Variants in RPH3A observed in about 807,000 individuals in gnomAD.
RPH3A encodes the protein rabphilin 3A.
Under a neutral mutation model 102.2 loss-of-function variants are expected in RPH3A, and 48 were observed. The observed-to-expected ratio is 0.47, with a 90% confidence interval of 0.37 to 0.60. RPH3A has a LOEUF of 0.60. RPH3A is among the 20% of genes least tolerant of loss of function. RPH3A has a pLI of 0.00. For synonymous variants in RPH3A, 310 were observed against 324.3 expected (o/e 0.96, Z 0.47); for missense variants, 781 against 910.1 (o/e 0.86, Z 1.83).
chr12:112,800,191 G>T (rs1452054695), intron 2 of RPH3A, among the ~76,000 whole-genome samples: 1 of 152,214 alleles, frequency 6.6e-6, no homozygotes, highest in African/African-American at 2.4e-5. Flanking sequence ...TGGGTTGGGG[G>T]AGGGAGGGGC....
chr12:112,818,128 G>A (rs917562030), intron 2 of RPH3A, among the ~76,000 whole-genome samples: 3 of 151,454 alleles, frequency 2.0e-5, no homozygotes, highest in South Asian at 2.1e-4. Context: ...GTGAAACCCC[G>A]TCTCTACTAA....
At chr12:112,758,004 T>A (rs1455256740) in intron 1 of RPH3A, among the ~76,000 whole-genome samples, 1 of 152,204 alleles carries the variant, frequency 6.6e-6, no homozygotes, top group Non-Finnish European at 1.5e-5. Context: ...CTTGTATCAC[T>A]CATAGAAATG....
chr12:112,865,313 G>A (rs774501414), intron 5 of RPH3A, 101 bp from the exon 6 acceptor site: 24 of 1,366,574 alleles, frequency 1.8e-5, no homozygotes, highest in Admixed American at 2.0e-5. Flanking sequence ...GCACAACAGC[G>A]TATGACTCAA....
chr12:112,656,901 GT>G (rs2040016998), intron 1 of RPH3A, among the ~76,000 whole-genome samples: 1 of 151,970 alleles, frequency 6.6e-6, no homozygotes, highest in Admixed American at 6.6e-5. Flanking sequence ...GAATAGTGAT[GT>G]GATAAACATA....
intron 1 of RPH3A, among the ~76,000 whole-genome samples, chr12:112,590,625 G>T (rs67436553): frequency 6.6e-6 from 1 of 152,148 alleles, no homozygotes; most frequent in African/African-American, 2.4e-5. Context: ...CCTTAGGACC[G>T]CTGGATGAAT....
At chr12:112,811,725 G>A (rs376562416) in intron 2 of RPH3A, among the ~76,000 whole-genome samples, 2 of 152,288 alleles carry the variant, frequency 1.3e-5, no homozygotes, top group African/African-American at 2.4e-5. Context: ...TAGCAAGTAG[G>A]CAAATTTGCA....
intron 3 of RPH3A, among the ~76,000 whole-genome samples, chr12:112,833,018 C>A (rs562915896): frequency 8.0e-5 from 12 of 149,076 alleles, no homozygotes; most frequent in South Asian, 2.1e-4. Context: ...CTCGCTGCAA[C>A]CTTCGCCTCC....
At chr12:112,829,127 T>C (rs568984747) in intron 3 of RPH3A, among the ~76,000 whole-genome samples, 2 of 152,360 alleles carry the variant, frequency 1.3e-5, no homozygotes, top group African/African-American at 4.8e-5. Context: ...ACTGTGAACT[T>C]CTGTCGATCT....
chr12:112,607,785 C>T (rs2039608120), intron 1 of RPH3A, among the ~76,000 whole-genome samples: 1 of 152,192 alleles, frequency 6.6e-6, no homozygotes, highest in Non-Finnish European at 1.5e-5. Context: ...AATTTCTCTT[C>T]CTCCTAAATG....
At chr12:112,698,911 C>A (rs1368426217) in intron 1 of RPH3A, among the ~76,000 whole-genome samples, 1 of 148,760 alleles carries the variant, frequency 6.7e-6, no homozygotes, top group African/African-American at 2.5e-5. Flanking sequence ...TCCTCCTCCC[C>A]CTCCTCCCCC....
At chr12:112,661,106 G>A (rs549868328) in intron 1 of RPH3A, among the ~76,000 whole-genome samples, 3 of 152,216 alleles carry the variant, frequency 2.0e-5, no homozygotes, top group East Asian at 3.9e-4. Flanking sequence ...AAGAGGCAAC[G>A]TGATTATGTA....
chr12:112,733,854 G>A lies in RPH3A; in HGVS notation c.-139-58289G>A, dbSNP rs144980449. Among the ~76,000 whole-genome samples, 62 of 152,246 alleles carry A rather than the reference G, an allele frequency of 4.1e-4. 1 individual carries two copies. The East Asian group carries it at 0.012, about 29-fold the overall frequency. On this transcript the variant is annotated intron_variant, in intron 1 of 21. Coordinates refer to the RPH3A transcript ENST00000543106. ...TTTCCTTCTACCTTTTCCTCATGTG[G>A]TTTCATAATTTCTAGCAAAGAATAG... is the stretch of plus-strand genomic sequence containing the variant.
rs576548252 is a variant in RPH3A, at chr12:112,676,939, C to T, written c.-140+101620C>T. On this transcript the variant is annotated intron_variant, in intron 1 of 21. Coordinates refer to the RPH3A transcript ENST00000543106. ...CAAGGTAGCTTTTCTGCCTTGCTAACGATAAACACACTCTGGCTAGCCTGT... is the reference window on the plus strand; with the variant it reads ...CAAGGTAGCTTTTCTGCCTTGCTAATGATAAACACACTCTGGCTAGCCTGT... 1.2e-3 allele frequency among the ~76,000 whole-genome samples: 185 copies of T among 152,258 alleles called. 1 individual carries two copies. In the South Asian group the frequency reaches 0.019, roughly 16 times the overall value.
intron 11 of RPH3A, 70 bp downstream of exon 11, chr12:112,875,240 C>A: frequency 8.2e-7 from 1 of 1,221,542 alleles, no homozygotes; most frequent in Non-Finnish European, 1.1e-6. Context: ...CCTCCCATCC[C>A]TGCTTGCAGA....
intron 1 of RPH3A, among the ~76,000 whole-genome samples, chr12:112,659,861 C>T (rs555601305): frequency 1.3e-5 from 2 of 152,204 alleles, no homozygotes; most frequent in East Asian, 3.9e-4. Context: ...TTCGGGTGCC[C>T]CTTTGCTTTC....
chr12:112,828,446 A>G (rs2041917351), intron 3 of RPH3A, 57 bp downstream of exon 3: 4 of 1,275,448 alleles, frequency 3.1e-6, no homozygotes, highest in African/African-American at 3.1e-5. Flanking sequence ...GGTTTTGACA[A>G]TTCTACACTT....
At chr12:112,679,640 G>A (rs1015897582) in intron 1 of RPH3A, among the ~76,000 whole-genome samples, 3 of 152,140 alleles carry the variant, frequency 2.0e-5, no homozygotes, top group African/African-American at 4.8e-5. Flanking sequence ...TGTCTAGGCT[G>A]GTCTTGAGCT....
intron 1 of RPH3A, among the ~76,000 whole-genome samples, chr12:112,643,518 A>G (rs984001113): frequency 6.6e-6 from 1 of 152,268 alleles, no homozygotes; most frequent in African/African-American, 2.4e-5. Flanking sequence ...CTGCTCTGGA[A>G]GTGGAGAAAT....
intron 1 of RPH3A, among the ~76,000 whole-genome samples, chr12:112,642,866 T>C: frequency 6.6e-6 from 1 of 152,212 alleles, no homozygotes; most frequent in East Asian, 1.9e-4. Flanking sequence ...GTTTTTCAAA[T>C]GGGAGTGGTT....
Sources: gnomAD v4.1 joint callset for allele counts (sites outside exome capture counted in the v4.1 genomes callset) on GRCh38, gnomAD v4.1.1 for gene constraint, MANE v1.5 for transcripts, NCBI Gene and HGNC (gene_info 2026-07-23, HGNC 2026-07-21) for gene names.